AMMECR1: variants seen among roughly 807,000 people sequenced by gnomAD.
The protein encoded by AMMECR1 is AMMECR nuclear protein 1.
A neutral mutation model predicts 22.5 loss-of-function variants in AMMECR1; 3 were observed. The observed-to-expected ratio is 0.13, with a 90% CI of 0.06 to 0.35. The LOEUF (loss-of-function observed/expected upper bound fraction) is 0.35. Ranked by LOEUF, AMMECR1 falls within the 10% of genes least tolerant of loss-of-function variation. The pLI, the probability that AMMECR1 is intolerant of heterozygous loss-of-function variation, is 1.00. For missense variants in AMMECR1, 235 were observed against 278.7 expected, an observed-to-expected ratio of 0.84 and a Z score of 1.12; for synonymous variants, 130 against 116.7, an observed-to-expected ratio of 1.11 and a Z score of -0.74.
At chrX:110,313,193 G>C (rs1270729210) in intron 1 of AMMECR1, among the ~76,000 whole-genome samples, 1 of 112,055 alleles carries the variant, frequency 8.9e-6, no homozygotes, top group Non-Finnish European at 1.9e-5. Flanking sequence ...AGACGAGAAA[G>C]AGTTAACTGT....
rs776491130 is a variant in AMMECR1 at position 110,405,099 on chromosome X, C to A, written c.-148+21559G>T. Reference sequence around the variant, plus strand: ...GTGTGCTTGTTGTGTCCCCCCCCCCCCCAAGCATGAGTCAGAGCCTTTCAT... The same window carrying A: ...GTGTGCTTGTTGTGTCCCCCCCCCCACCAAGCATGAGTCAGAGCCTTTCAT... On this transcript the variant is annotated intron_variant, in intron 2 of 7. Coordinates refer to the AMMECR1 transcript ENST00000372057. Among the ~76,000 whole-genome samples, 149 of 101,300 alleles carry A rather than the reference C, an allele frequency of 1.5e-3. 1 individual carries two copies. Among genetic ancestry groups the A allele is most frequent in the Middle Eastern group, 4.8e-3 (1 of 207 alleles). The allele number at this position is 101,300 out of a possible 115,157, so 88.0% of individuals were successfully genotyped here.
intron 3 of AMMECR1, among the ~76,000 whole-genome samples, chrX:110,213,691 C>G (rs1183383693): frequency 1.8e-5 from 2 of 111,673 alleles, no homozygotes; most frequent in East Asian, 5.6e-4. Context: ...TTTAGTAATG[C>G]TTTTTCAGAA....
chrX:110,304,490 T>C (rs1429965511), intron 1 of AMMECR1, among the ~76,000 whole-genome samples: 1 of 112,354 alleles, frequency 8.9e-6, no homozygotes, highest in East Asian at 2.8e-4. Context: ...AAAAGATCAC[T>C]GAACATAGAA....
At chrX:110,338,228 A>G (rs2068148387) in intron 2 of AMMECR1, among the ~76,000 whole-genome samples, 1 of 112,471 alleles carries the variant, frequency 8.9e-6, no homozygotes, top group Non-Finnish European at 1.9e-5. Flanking sequence ...TTTATGTTTC[A>G]TGTATTCTAA....
At chrX:110,439,788 C>T (rs1413567966) in intron 1 of AMMECR1, 1 of 110,482 alleles carries the variant, frequency 9.1e-6, no homozygotes, top group Admixed American at 9.6e-5. Context: ...ACGCCATGGA[C>T]CTGCCCACAC....
intron 2 of AMMECR1, among the ~76,000 whole-genome samples, chrX:110,232,261 TG>T (rs1209027316): frequency 1.8e-5 from 2 of 111,717 alleles, no homozygotes; most frequent in African/African-American, 6.5e-5. Flanking sequence ...ACCACATACT[TG>T]GAAGTAAAGC....
rs1602861902 is a variant in AMMECR1 at position 110,287,773 on chromosome X, C to T, written c.474-23174G>A. Reference sequence around the variant, plus strand: ...AAAAGAAAGCTAAGAAGTTTCCTTGCCCCATTCTTTCGCAATAGAGAGAAT... The same window carrying T: ...AAAAGAAAGCTAAGAAGTTTCCTTGTCCCATTCTTTCGCAATAGAGAGAAT... On this transcript the variant is annotated intron_variant, in intron 1 of 5. Coordinates refer to ENST00000262844, the MANE Select transcript of AMMECR1 (RefSeq NM_015365.3). 2.7e-5 allele frequency among the ~76,000 whole-genome samples: 3 copies of T among 111,793 alleles called. 1 individual carries two copies. In the Admixed American group the frequency reaches 2.8e-4, roughly 11 times the overall value.
rs748478037 is a variant in AMMECR1, at chrX:110,317,742, T to A, written c.330A>T (p.Ser110=). ...PAAATSSSPS[S]SSAASSSSPG... ...GCGATGAGGACGAGGCGGCGGACGA[T>A]GAGGAGGGTGAGGAAGAGGTGGCGG... Residue 110 remains serine (S), a synonymous_variant, in exon 1 of 6, where the codon TCA becomes TCT. Transcript: ENST00000262844. 2 of 1,190,633 alleles carry A rather than the reference T, an allele frequency of 1.7e-6. No homozygotes were observed. The highest frequency in any genetic ancestry group is 2.3e-6 in the Non-Finnish European group (2 of 884,371).
intron 1 of AMMECR1, among the ~76,000 whole-genome samples, chrX:110,268,240 C>T: frequency 8.9e-6 from 1 of 111,909 alleles, no homozygotes; most frequent in Non-Finnish European, 1.9e-5. Flanking sequence ...CAGGCAACAT[C>T]CACTTTGGGA....
At chrX:110,374,935 C>T (rs1175264995) in intron 2 of AMMECR1, among the ~76,000 whole-genome samples, 1 of 111,078 alleles carries the variant, frequency 9.0e-6, no homozygotes, top group African/African-American at 3.3e-5. Flanking sequence ...GAAGTCCCTT[C>T]AGCCTTTTTA....
intron 2 of AMMECR1, among the ~76,000 whole-genome samples, chrX:110,229,935 C>T (rs1475066312): frequency 8.9e-6 from 1 of 112,922 alleles, no homozygotes; most frequent in Non-Finnish European, 1.9e-5. Flanking sequence ...ATCTGCGAGG[C>T]GGCAGCCTGG....
intron 1 of AMMECR1, among the ~76,000 whole-genome samples, chrX:110,303,260 T>C (rs2067977589): frequency 8.9e-6 from 1 of 111,768 alleles, no homozygotes; most frequent in Non-Finnish European, 1.9e-5. Flanking sequence ...CATCCATTTT[T>C]TTCACTTTAA....
intron 2 of AMMECR1, among the ~76,000 whole-genome samples, chrX:110,393,500 G>A (rs758596566): frequency 1.8e-5 from 2 of 111,685 alleles, no homozygotes; most frequent in South Asian, 7.7e-4. Context: ...ACACAACCAG[G>A]AAGAGCAGAA....
intron 2 of AMMECR1, among the ~76,000 whole-genome samples, chrX:110,381,596 C>A (rs2068419705): frequency 9.0e-6 from 1 of 111,674 alleles, no homozygotes; most frequent in Admixed American, 9.5e-5. Flanking sequence ...GAAAATAAAC[C>A]ATTCTACCAA....
At position 110,427,165 on chromosome X, in the gene AMMECR1, A is replaced by G. The variant is rs188116052; in HGVS notation, c.-293-362T>C. Reference sequence around the variant, plus strand: ...CCACCTCCAGACATCTCTTGCCTTGATTCCTACAATACCTTCTGGTTTTCT... The same window carrying G: ...CCACCTCCAGACATCTCTTGCCTTGGTTCCTACAATACCTTCTGGTTTTCT... On this transcript the variant is annotated intron_variant, in intron 1 of 7. Transcript: ENST00000372057. 4.5e-3 allele frequency among the ~76,000 whole-genome samples: 507 copies of G among 111,826 alleles called. 2 individuals are homozygous for G. Among genetic ancestry groups the G allele is most frequent in the Non-Finnish European group, 7.5e-3 (400 of 53,085 alleles).
At chrX:110,431,669 T>A (rs898723410) in intron 1 of AMMECR1, among the ~76,000 whole-genome samples, 2 of 111,675 alleles carry the variant, frequency 1.8e-5, no homozygotes, top group Admixed American at 1.9e-4. Flanking sequence ...AAGGTTGCCC[T>A]GATGACTTTG....
At chrX:110,217,117 G>T (rs2067477292) in intron 2 of AMMECR1, among the ~76,000 whole-genome samples, 1 of 106,774 alleles carries the variant, frequency 9.4e-6, no homozygotes, top group South Asian at 4.1e-4. Flanking sequence ...TTTTAAAAAA[G>T]ATTATACTAG....
chrX:110,268,204 A>G (rs1328135905), intron 1 of AMMECR1, among the ~76,000 whole-genome samples: 1 of 112,056 alleles, frequency 8.9e-6, no homozygotes, highest in Non-Finnish European at 1.9e-5. Context: ...AGAATGATCT[A>G]TACTCTCCCT....
chrX:110,398,408 T>A (rs1238296481), intron 2 of AMMECR1, among the ~76,000 whole-genome samples: 2 of 112,645 alleles, frequency 1.8e-5, no homozygotes, highest in Non-Finnish European at 3.7e-5. Context: ...CAGATGCCCT[T>A]CTTCCCATTA....
Sources: gnomAD v4.1 joint callset for allele counts (sites outside exome capture counted in the v4.1 genomes callset) on GRCh38, gnomAD v4.1.1 for gene constraint, MANE v1.5 for transcripts, NCBI Gene and HGNC (gene_info 2026-07-23, HGNC 2026-07-21) for gene names.